Variants in POU2F2 observed in about 807,000 individuals in gnomAD.
POU2F2 encodes POU domain, class 2, transcription factor 2.
Under a neutral mutation model 63.5 loss-of-function variants are expected in POU2F2, and 14 were observed. The ratio of observed to expected loss-of-function variants is 0.22; its 90% CI spans 0.15 to 0.34. The LOEUF (loss-of-function observed/expected upper bound fraction) is 0.34, where lower values mean the gene tolerates loss of function less well. Ranked by LOEUF, POU2F2 falls within the 10% of genes least tolerant of loss-of-function variation. The pLI, the probability that POU2F2 is intolerant of heterozygous loss-of-function variation, is 1.00. For missense variants in POU2F2, 607 were observed against 815.2 expected (o/e 0.74, Z 3.11); for synonymous variants, 306 against 348.6 (o/e 0.88, Z 1.36).
At chr19:42,142,878 T>G (rs747646544) in intron 2 of POU2F2, among the ~76,000 whole-genome samples, 19 of 152,214 alleles carry the variant, frequency 1.2e-4, no homozygotes, top group Non-Finnish European at 2.2e-4. Context: ...CTCATTTTTT[T>G]AATTAAAATT....
chr19:42,151,154 G>A (rs560872042), intron 2 of POU2F2, among the ~76,000 whole-genome samples: 1 of 152,224 alleles, frequency 6.6e-6, no homozygotes, highest in Non-Finnish European at 1.5e-5. Flanking sequence ...GATGGGAGGA[G>A]GGAGGGGGAG....
Position 42,117,518 on chromosome 19 carries a change from C to A in POU2F2, c.187-86G>T, listed in dbSNP as rs2032079413. The A allele has an allele frequency of 7.6e-6, 5 of 661,432 alleles. No homozygotes were observed. The South Asian group carries it at 9.2e-5, about 12-fold the overall frequency. 41.0% of individuals were successfully genotyped at this position (661,432 alleles called of 1,614,324 possible). A position where few individuals can be genotyped will look rare whatever the true frequency, so the allele number is the denominator to read the frequency against. On this transcript the variant is annotated intron_variant, in intron 4 of 14. Transcript: ENST00000692977. The surrounding 1 kb of genome is among the most constrained non-coding windows in gnomAD (Gnocchi z 4.4). ...AGACTGGGGTGTGGACATGAGGGTG[C>A]AGTCTGTGGTCCTGCACTGACCGCT...
At chr19:42,118,592 T>C (rs1391128597) in intron 4 of POU2F2, among the ~76,000 whole-genome samples, 2 of 152,260 alleles carry the variant, frequency 1.3e-5, no homozygotes, top group African/African-American at 4.8e-5. Context: ...CATGTCTTTC[T>C]GAATATGATA....
In POU2F2 at chr19:42,091,903, C is replaced by G; in HGVS notation, c.1504G>C (p.Ala502Pro). 1 of 1,540,190 alleles carries G rather than the reference C, an allele frequency of 6.5e-7. No homozygotes were observed. Among genetic ancestry groups the G allele is most frequent in the Non-Finnish European group, 8.7e-7 (1 of 1,146,812 alleles). ...GCCAAAGGGTTGTTGCTCATGAGGG[C>G]TGGACTCAGCCCGGAGCTCAACCCC... ...MVGLSSGLSP[A>P]LMSNNPLATI... The change falls in exon 14 of 15, where the codon GCC becomes CCC. Residue 502 changes from alanine to proline, a missense_variant. By Grantham distance (27) the Ala-to-Pro change is conservative. This residue lies in a region of POU2F2 where 270 missense variants were observed against 307.5 expected (regional missense o/e 0.88). Coordinates refer to ENST00000692977, the MANE Select transcript of POU2F2 (RefSeq NM_001394376.1).
chr19:42,127,735 G>C (rs1403261353), intron 1 of POU2F2, among the ~76,000 whole-genome samples: 1 of 151,998 alleles, frequency 6.6e-6, no homozygotes, highest in Non-Finnish European at 1.5e-5. Flanking sequence ...TCCCAGCCAG[G>C]TCTCTCTCCA....
chr19:42,152,400 G>T lies in POU2F2; in HGVS notation c.-9+7932C>A, dbSNP rs1229478344. Among the ~76,000 whole-genome samples, 1 of 151,954 alleles carries T rather than the reference G, an allele frequency of 6.6e-6. No individual in the cohort carries two copies. The highest frequency in any genetic ancestry group is 1.5e-5 in the Non-Finnish European group (1 of 67,972). Reference sequence around the variant, plus strand: ...GCCCCAGATGGGCCGAGGACTATAGGGGTCCCGGCTGCCCTCCCCCAAACC... The same window carrying T: ...GCCCCAGATGGGCCGAGGACTATAGTGGTCCCGGCTGCCCTCCCCCAAACC... On this transcript the variant is annotated intron_variant, in intron 2 of 6. Transcript: ENST00000524801. The surrounding 1 kb of genome is among the most constrained non-coding windows in gnomAD (Gnocchi z 4.1).
At chr19:42,147,201 A>C (rs1340200396) in intron 2 of POU2F2, among the ~76,000 whole-genome samples, 1 of 151,996 alleles carries the variant, frequency 6.6e-6, no homozygotes, top group African/African-American at 2.4e-5. Flanking sequence ...GACACCTCTC[A>C]TCTCTTCCCC....
At chr19:42,174,874 G>A (rs1252056638) in intron 1 of POU2F2, among the ~76,000 whole-genome samples, 1 of 152,098 alleles carries the variant, frequency 6.6e-6, no homozygotes, top group Non-Finnish European at 1.5e-5. Context: ...TGAGCGAAGC[G>A]GCTGATTGGG....
chr19:42,149,425 T>C (rs924197475), intron 2 of POU2F2, among the ~76,000 whole-genome samples: 1 of 151,806 alleles, frequency 6.6e-6, no homozygotes, highest in Non-Finnish European at 1.5e-5. Context: ...CCAAGAGAGA[T>C]GGGGCTAGAC....
At chr19:42,104,624 T>C (rs1179796792) in intron 5 of POU2F2, among the ~76,000 whole-genome samples, 1 of 152,110 alleles carries the variant, frequency 6.6e-6, no homozygotes, top group Non-Finnish European at 1.5e-5. Flanking sequence ...ACAGAGGGTA[T>C]GAGGTGGTAC....
intron 1 of POU2F2, among the ~76,000 whole-genome samples, chr19:42,184,744 A>C (rs2034996367): frequency 6.6e-6 from 1 of 152,122 alleles, no homozygotes; most frequent in Non-Finnish European, 1.5e-5. Context: ...TTGGCATCTA[A>C]GAAACCTCAC....
Position 42,095,417 on chromosome 19 carries a change from G to T in POU2F2, c.1066C>A (p.Leu356Met). Residue 356 changes from leucine (L) to methionine (M), a missense_variant, in exon 11 of 15, where the codon CTG (leucine) becomes ATG (methionine). Around this residue, in one of 7 missense-constraint regions of POU2F2, gnomAD observed 36 missense variants for 63.8 expected, o/e 0.56. Coordinates refer to ENST00000692977, the MANE Select transcript of POU2F2 (RefSeq NM_001394376.1). The surrounding 1 kb of genome is among the most constrained non-coding windows in gnomAD (Gnocchi z 7.1). ...CGGATCACTTCCTTCTCCATGTGCA[G>T]CTGCTCGGCGATCAGCAGGATCTCC... ...SEEILLIAEQ[L>M]HMEKEVIRVW... 6.2e-7 allele frequency: 1 copy of T among 1,613,760 alleles called. No individual in the cohort carries two copies.
At chr19:42,171,181 C>T (rs187143824) in intron 1 of POU2F2, among the ~76,000 whole-genome samples, 3 of 152,324 alleles carry the variant, frequency 2.0e-5, no homozygotes, top group Admixed American at 2.0e-4. Context: ...GACCGCTGGC[C>T]ACAGTAGTTC....
In POU2F2 at chr19:42,153,840, G is replaced by C. The variant is rs969750676; in HGVS notation, c.-9+6492C>G. Reference sequence around the variant, plus strand: ...AGTGGGGGAGGGTGGCGAGGCAGCAGGGGCTGCCACGGAGACACTGGCTAG... The same window carrying C: ...AGTGGGGGAGGGTGGCGAGGCAGCACGGGCTGCCACGGAGACACTGGCTAG... On this transcript the variant is annotated intron_variant, in intron 2 of 6. Transcript: ENST00000524801. The surrounding 1 kb of genome is among the most constrained non-coding windows in gnomAD (Gnocchi z 5.6). 1.3e-5 allele frequency among the ~76,000 whole-genome samples: 2 copies of C among 152,106 alleles called. No individual in the cohort carries two copies. Among genetic ancestry groups the C allele is most frequent in the African/African-American group, 4.8e-5 (2 of 41,388 alleles).
chr19:42,101,540 A>T (rs2077143059), intron 5 of POU2F2, among the ~76,000 whole-genome samples: 1 of 152,214 alleles, frequency 6.6e-6, no homozygotes, highest in South Asian at 2.1e-4. Flanking sequence ...AGCCCTCAGA[A>T]GGGACAGATC....
At chr19:42,131,712 G>A (rs2033749432) in intron 1 of POU2F2, among the ~76,000 whole-genome samples, 1 of 152,208 alleles carries the variant, frequency 6.6e-6, no homozygotes, top group Admixed American at 6.5e-5. Flanking sequence ...ATTCCCAGCA[G>A]TGATACGTGC....
At chr19:42,134,324 G>C (rs1044182875), upstream of POU2F2, among the ~76,000 whole-genome samples, 1 of 152,066 alleles carries the variant, frequency 6.6e-6, no homozygotes, top group Non-Finnish European at 1.5e-5. Context: ...CAGCCCCCTA[G>C]AGCCAGCAGA....
chr19:42,188,548 G>A (rs1276491214), intron 1 of POU2F2, among the ~76,000 whole-genome samples: 3 of 151,344 alleles, frequency 2.0e-5, no homozygotes, highest in Admixed American at 6.6e-5. Flanking sequence ...GCAGATGCCT[G>A]TAATCCCAGC....
intron 5 of POU2F2, chr19:42,116,787 C>T (rs2031924317): frequency 2.8e-6 from 1 of 360,672 alleles, no homozygotes; most frequent in Non-Finnish European, 5.5e-6. Context: ...GTGGTGGTGG[C>T]AGGTCACCCC....
Sources: gnomAD v4.1 joint callset for allele counts (sites outside exome capture counted in the v4.1 genomes callset) on GRCh38, gnomAD v4.1.1 for gene constraint, gnomAD v4.1.1 regional missense constraint, Gnocchi (gnomAD v3.1) non-coding constraint, MANE v1.5 for transcripts, NCBI Gene and HGNC (gene_info 2026-07-23, HGNC 2026-07-21) for gene names.